The following DENND5A variants were observed in gnomAD, a reference collection of about 807,000 sequenced individuals.
DENND5A encodes DENN domain containing 5A, also known as DENN domain-containing protein 5A.
In DENND5A, 64 loss-of-function variants were observed where a neutral mutation model predicts 140.3. That is an observed-to-expected ratio of 0.46 (90% CI 0.37 to 0.56). The LOEUF (loss-of-function observed/expected upper bound fraction) is 0.56. DENND5A is among the 20% of genes least tolerant of loss of function. The pLI, the probability that DENND5A is intolerant of heterozygous loss-of-function variation, is 0.00. For missense variants in DENND5A, 1,292 were observed against 1,593.8 expected (o/e 0.81, Z 3.22); for synonymous variants, 605 against 607.7 (o/e 1.00, Z 0.07).
intron 1 of DENND5A, among the ~76,000 whole-genome samples, chr11:9,244,506 A>G (rs1053067811): frequency 5.3e-5 from 8 of 152,088 alleles, no homozygotes; most frequent in Non-Finnish European, 1.2e-4. Flanking sequence ...AGTAGCTGGG[A>G]TTACAGGCAT....
chr11:9,156,207 C>T lies in DENND5A; in HGVS notation c.2437-3765G>A, dbSNP rs1020845081. ...ATCAGGGTCAATCTCCAGCTGAACA[C>T]GTATCCCTAAGAGCATTAACGCCAT... On this transcript the variant is annotated intron_variant, in intron 12 of 22. Coordinates refer to ENST00000328194, the MANE Select transcript of DENND5A (RefSeq NM_015213.4). Among the ~76,000 whole-genome samples, 3 of 152,160 alleles carry T rather than the reference C, an allele frequency of 2.0e-5. No homozygotes were observed. In the East Asian group the frequency reaches 5.8e-4, roughly 29 times the overall value.
At chr11:9,230,556 T>A (rs912970839) in intron 1 of DENND5A, among the ~76,000 whole-genome samples, 3 of 152,114 alleles carry the variant, frequency 2.0e-5, no homozygotes, top group African/African-American at 7.2e-5. Flanking sequence ...TTTCTTCTTG[T>A]TAATTTGTCT....
At chr11:9,197,519 A>G (rs1260052297) in intron 4 of DENND5A, among the ~76,000 whole-genome samples, 1 of 151,404 alleles carries the variant, frequency 6.6e-6, no homozygotes, top group African/African-American at 2.4e-5. Context: ...AACATGGCAA[A>G]TCCCATCTCT....
chr11:9,192,444 T>C (rs767691485), intron 5 of DENND5A, among the ~76,000 whole-genome samples: 5 of 152,010 alleles, frequency 3.3e-5, no homozygotes, highest in South Asian at 2.1e-4. Context: ...CTGGCCAACA[T>C]AGTGAAACCC....
rs1333823851 is a variant in DENND5A at position 9,260,547 on chromosome 11, ACAAGTTC to A, written c.109+4407_109+4413del. 2.3e-3 allele frequency among the ~76,000 whole-genome samples: 348 copies of A among 152,330 alleles called. 1 individual carries two copies. Among genetic ancestry groups the A allele is most frequent in the African/African-American group, 8.0e-3 (331 of 41,570 alleles). ...TCTTCCAGATTTGCTTACCTAACTGACAAGTTCAAAAAGCCAACAAGCAGACACCATA... is the reference window on the plus strand; with the variant it reads ...TCTTCCAGATTTGCTTACCTAACTGAAAAAAGCCAACAAGCAGACACCATA... On this transcript the variant is annotated intron_variant, in intron 1 of 22. Coordinates refer to ENST00000328194, the MANE Select transcript of DENND5A (RefSeq NM_015213.4).
chr11:9,209,142 A>G (rs1849786846), intron 1 of DENND5A, among the ~76,000 whole-genome samples: 1 of 152,182 alleles, frequency 6.6e-6, no homozygotes, highest in South Asian at 2.1e-4. Flanking sequence ...CCTCAGTAAA[A>G]ACCACGAAAT....
rs563376921 is a variant in DENND5A at position 9,216,939 on chromosome 11, G to A, written c.110-9307C>T. Among the ~76,000 whole-genome samples the A allele has an allele frequency of 3.7e-4, 56 of 152,160 alleles. No homozygotes were observed. In the South Asian group the frequency reaches 0.012, roughly 32 times the overall value. On this transcript the variant is annotated intron_variant, in intron 1 of 22. Transcript: ENST00000328194. ...TAGTACCAGCTATTCAGGAGGCTGT[G>A]GTGGGAGGATCACTTAAGCCCAGGA... is the stretch of plus-strand genomic sequence containing the variant.
chr11:9,235,754 GA>G (rs1850973979), intron 1 of DENND5A, among the ~76,000 whole-genome samples: 1 of 152,004 alleles, frequency 6.6e-6, no homozygotes, highest in Non-Finnish European at 1.5e-5. Context: ...CCACTTACAT[GA>G]AACATCCAGA....
chr11:9,223,422 C>T (rs902697310), intron 1 of DENND5A, among the ~76,000 whole-genome samples: 3 of 152,016 alleles, frequency 2.0e-5, no homozygotes, highest in Non-Finnish European at 4.4e-5. Flanking sequence ...TACCTGTAAT[C>T]GCAGCTACTT....
intron 5 of DENND5A, among the ~76,000 whole-genome samples, chr11:9,188,724 G>A (rs1442334144): frequency 2.6e-5 from 4 of 152,210 alleles, no homozygotes; most frequent in African/African-American, 7.2e-5. Context: ...TTGAACTTAA[G>A]AGAGATGATC....
At chr11:9,180,671 T>C in intron 6 of DENND5A, 96 bp downstream of exon 6, 1 of 1,212,078 alleles carries the variant, frequency 8.3e-7, no homozygotes. Flanking sequence ...ATATGAGTTG[T>C]CCAGAACTGG....
chr11:9,160,475 C>A (rs1224917082), intron 12 of DENND5A, among the ~76,000 whole-genome samples: 1 of 152,190 alleles, frequency 6.6e-6, no homozygotes, highest in Non-Finnish European at 1.5e-5. Context: ...TTCAGCTCTA[C>A]CCCCAGGAAG....
intron 1 of DENND5A, among the ~76,000 whole-genome samples, chr11:9,249,119 T>C (rs1851605406): frequency 6.6e-6 from 1 of 151,626 alleles, no homozygotes; most frequent in Non-Finnish European, 1.5e-5. Flanking sequence ...TCCCAGTTAC[T>C]CAGGAGGCTG....
At chr11:9,259,143 C>T (rs1481892793) in intron 1 of DENND5A, among the ~76,000 whole-genome samples, 2 of 151,968 alleles carry the variant, frequency 1.3e-5, no homozygotes, top group Non-Finnish European at 2.9e-5. Flanking sequence ...GCCTGTAATC[C>T]CAGCTACTTG....
chr11:9,220,218 C>CA (rs1487922864), intron 1 of DENND5A, among the ~76,000 whole-genome samples: 1 of 152,072 alleles, frequency 6.6e-6, no homozygotes, highest in Non-Finnish European at 1.5e-5. Context: ...TTATAAATTG[C>CA]AAAAAATGAT....
At chr11:9,148,852 G>A (rs2136120797) in intron 15 of DENND5A, among the ~76,000 whole-genome samples, 1 of 152,340 alleles carries the variant, frequency 6.6e-6, no homozygotes, top group Admixed American at 6.5e-5. Context: ...GGCATCTCCT[G>A]CTTAGAGGTG....
In DENND5A at chr11:9,142,091, A is replaced by G; in HGVS notation, c.3529T>C (p.Tyr1177His). ...ACTTCATTCTTCTCTAATGTCTCAT[A>G]ATAGGTTTGTGCTTTTTCTGTGAAG... ...WDFLEKAQTY[Y>H]ETLEKNEVVP... The change falls in exon 22 of 23, where the codon TAT becomes CAT. Residue 1177 changes from tyrosine to histidine, a missense_variant. Around this residue, in one of 4 missense-constraint regions of DENND5A, gnomAD observed 498 missense variants for 689.7 expected, o/e 0.72. Coordinates refer to ENST00000328194, the MANE Select transcript of DENND5A (RefSeq NM_015213.4). The G allele has an allele frequency of 3.8e-6, 6 of 1,596,254 alleles. No homozygotes were observed. Among genetic ancestry groups the G allele is most frequent in the Non-Finnish European group, 5.1e-6 (6 of 1,170,416 alleles).
intron 1 of DENND5A, among the ~76,000 whole-genome samples, chr11:9,221,030 C>A (rs1467454441): frequency 6.6e-6 from 1 of 151,106 alleles, no homozygotes; most frequent in African/African-American, 2.5e-5. Flanking sequence ...TGCCGTGAGC[C>A]GAGATGGCGC....
At chr11:9,217,331 T>C (rs904692251) in intron 1 of DENND5A, among the ~76,000 whole-genome samples, 3 of 152,166 alleles carry the variant, frequency 2.0e-5, no homozygotes, top group Admixed American at 2.0e-4. Context: ...CTGGCCAACA[T>C]GGTGAAACCC....
Sources: gnomAD v4.1 joint callset for allele counts (sites outside exome capture counted in the v4.1 genomes callset) on GRCh38, gnomAD v4.1.1 for gene constraint, gnomAD v4.1.1 regional missense constraint, MANE v1.5 for transcripts, NCBI Gene and HGNC (gene_info 2026-07-23, HGNC 2026-07-21) for gene names.